MDN1: variants seen among roughly 807,000 people sequenced by gnomAD.
MDN1 encodes midasin AAA ATPase 1.
MDN1 carries 266 observed loss-of-function variants against 669.2 expected under a neutral mutation model. The observed-to-expected ratio is 0.40, with a 90% confidence interval of 0.36 to 0.44. The LOEUF is 0.44. Among genes scored for constraint, MDN1 ranks in the 20% least tolerant of loss-of-function variants. The probability of loss-of-function intolerance (pLI) is 1.00; values close to 1 mark genes in which losing one functional copy is unlikely to be tolerated. For synonymous variants in MDN1, 2,385 were observed against 2,457.1 expected (o/e 0.97, Z 0.87); for missense variants, 5,940 against 6,754.0 (o/e 0.88, Z 4.22).
In MDN1 at chr6:89,712,181, T is replaced by C. The variant is rs770401956; in HGVS notation, c.7506A>G (p.Ala2502=). 6.2e-7 allele frequency: 1 copy of C among 1,614,176 alleles called. No individual in the cohort carries two copies. The highest frequency in any genetic ancestry group is 1.7e-5 in the Admixed American group (1 of 60,030). Residue 2502 remains alanine (A), a synonymous_variant, in exon 49 of 102, where the codon GCA becomes GCG. Coordinates refer to ENST00000369393, the MANE Select transcript of MDN1 (RefSeq NM_014611.3). ...CGATCCAGTAAGTATTCACTTCGAC[T>C]GCATTGAATTTCAGGTTCTCAGGGC... ...SPSPENLKFN[A]VEVNTYWIDE...
rs3736984 is a variant in MDN1 at position 89,698,870 on chromosome 6, A to G, written c.9163T>C (p.Leu3055=). ...ATAATTTTAGACCAACAAACCTTCAATGTGGAGTCCAAAACAGACTTGGGT... is the reference window on the plus strand; with the variant it reads ...ATAATTTTAGACCAACAAACCTTCAGTGTGGAGTCCAAAACAGACTTGGGT... ...EAPKSVLDST[L]KGPGNLNRPI... is the part of the protein sequence containing the mutation. Residue 3055 remains leucine (L), a synonymous_variant, in exon 59 of 102, where the codon TTG becomes CTG. Transcript: ENST00000369393. 275,713 of 1,613,082 alleles carry G rather than the reference A, an allele frequency of 0.17. 25,340 individuals are homozygous for G. The highest frequency in any genetic ancestry group is 0.29 in the South Asian group (26,657 of 90,942).
Position 89,747,332 on chromosome 6 carries a change from C to G in MDN1, c.3901G>C (p.Asp1301His). ...GAGCATTTGATTGAAAACACACCATCATTGGCTAAATGCTGTAGCCAGTCA... is the reference window on the plus strand; with the variant it reads ...GAGCATTTGATTGAAAACACACCATGATTGGCTAAATGCTGTAGCCAGTCA... ...EYDWLQHLANDGYMLLAGRVR... is the reference protein window; with the variant it reads ...EYDWLQHLANHGYMLLAGRVR... Residue 1301 changes from aspartate (D) to histidine (H), a missense_variant, in exon 27 of 102, where the codon GAT becomes CAT. Physicochemically the swap from Asp to His is moderately conservative, Grantham distance 81 (BLOSUM62 -1). Around this residue, in one of 5 missense-constraint regions of MDN1, gnomAD observed 2,292 missense variants for 2,638.3 expected, o/e 0.87. Coordinates refer to ENST00000369393, the MANE Select transcript of MDN1 (RefSeq NM_014611.3). 1 of 1,611,148 alleles carries G rather than the reference C, an allele frequency of 6.2e-7. No individual in the cohort carries two copies. Among genetic ancestry groups the G allele is most frequent in the Non-Finnish European group, 8.5e-7 (1 of 1,179,332 alleles).
chr6:89,793,355 A>T (rs1375471643), intron 5 of MDN1, among the ~76,000 whole-genome samples: 1 of 152,200 alleles, frequency 6.6e-6, no homozygotes, highest in Non-Finnish European at 1.5e-5. Flanking sequence ...ACAAGAAGAT[A>T]TACGGAACAG....
At chr6:89,661,392 G>A (rs1363514531) in intron 88 of MDN1, 39 bp downstream of exon 88, 1 of 1,592,778 alleles carries the variant, frequency 6.3e-7, no homozygotes, top group Non-Finnish European at 8.5e-7. Flanking sequence ...GTTCACTAAT[G>A]TGAGTTCTAA....
At chr6:89,764,965 T>C (rs1817737002) in intron 15 of MDN1, among the ~76,000 whole-genome samples, 1 of 152,016 alleles carries the variant, frequency 6.6e-6, no homozygotes, top group Non-Finnish European at 1.5e-5. Context: ...CATAAAAAAT[T>C]ATACTTTACT....
At chr6:89,674,689 C>T (rs1397862828) in intron 78 of MDN1, 100 bp from the exon 79 acceptor site, 14 of 1,438,008 alleles carry the variant, frequency 9.7e-6, no homozygotes, top group Non-Finnish European at 1.2e-5. Context: ...CAAGCATGGG[C>T]TTTTTCATAC....
chr6:89,644,253 G>T, intron 101 of MDN1, 60 bp from the exon 102 acceptor site: 1 of 1,390,084 alleles, frequency 7.2e-7, no homozygotes, highest in Non-Finnish European at 9.9e-7. Context: ...TCCTTAGCTA[G>T]CTCTTCTGTG....
intron 68 of MDN1, 44 bp from the exon 69 acceptor site, chr6:89,687,067 T>C (rs1812065062): frequency 6.2e-7 from 1 of 1,600,950 alleles, no homozygotes; most frequent in Non-Finnish European, 8.5e-7. Context: ...AAAACCTATT[T>C]GAAATATCTG....
chr6:89,655,779 C>T lies in MDN1; in HGVS notation c.15475G>A (p.Asp5159Asn). ...EHIKQGSDAY[D>N]AQTYDVASKE... The stretch of plus-strand genomic sequence containing the variant: ...AGGACCGTACCATAGGTCTGTGCAT[C>T]GTATGCGTCACTGCCTTGTTTAATG... The change falls in exon 92 of 102, where the codon GAT becomes AAT. Residue 5159 changes from aspartate to asparagine, a missense_variant. This residue lies in a region of MDN1 where 2,280 missense variants were observed against 2,576.3 expected (regional missense o/e 0.88). Coordinates refer to ENST00000369393, the MANE Select transcript of MDN1 (RefSeq NM_014611.3). 6.2e-7 allele frequency: 1 copy of T among 1,608,502 alleles called. No individual in the cohort carries two copies. The highest frequency in any genetic ancestry group is 8.5e-7 in the Non-Finnish European group (1 of 1,177,504).
intron 31 of MDN1, 67 bp from the exon 32 acceptor site, chr6:89,740,445 C>A (rs1361431540): frequency 4.2e-6 from 6 of 1,417,108 alleles, no homozygotes; most frequent in African/African-American, 1.5e-5. Context: ...ATCTTCAATG[C>A]TCTTTAAAAG....
At position 89,718,749 on chromosome 6, in the gene MDN1, T is replaced by G; in HGVS notation, c.6321+18A>C. The stretch of plus-strand genomic sequence containing the variant: ...GTTTATTATGCTTTGCCAGAAAATA[T>G]GAAGGCAGACTGGTTACCTGCTCAA... On this transcript the variant is annotated intron_variant, in intron 42 of 101. Coordinates refer to ENST00000369393, the MANE Select transcript of MDN1 (RefSeq NM_014611.3). 1 of 1,612,016 alleles carries G rather than the reference T, an allele frequency of 6.2e-7. No individual in the cohort carries two copies. The highest frequency in any genetic ancestry group is 8.5e-7 in the Non-Finnish European group (1 of 1,178,252).
Position 89,712,033 on chromosome 6 carries a change from C to T in MDN1, c.7651+3G>A. ...AGTGGACAAATTAAGCTGTTCTACT[C>T]ACCAAGCCCCTGCGGTATATTCTTG... On this transcript the variant is annotated splice_donor_region_variant and intron_variant, in intron 49 of 101. Transcript: ENST00000369393. The T allele has an allele frequency of 6.2e-7, 1 of 1,611,658 alleles. No homozygotes were observed. The highest frequency in any genetic ancestry group is 8.5e-7 in the Non-Finnish European group (1 of 1,178,324).
intron 90 of MDN1, 30 bp from the exon 91 acceptor site, chr6:89,656,831 G>C: frequency 5.1e-6 from 8 of 1,580,876 alleles, no homozygotes; most frequent in Non-Finnish European, 6.1e-6. Flanking sequence ...AAAGAATGAG[G>C]TGAAAGAAGC....
intron 68 of MDN1, 21 bp from the exon 69 acceptor site, chr6:89,687,044 G>C (rs748063668): frequency 1.2e-6 from 2 of 1,608,514 alleles, no homozygotes; most frequent in South Asian, 2.2e-5. Context: ...AAGAAGCCAA[G>C]GAGGCATTTA....
At position 89,758,204 on chromosome 6, in the gene MDN1, G is replaced by C. The variant is rs747908260; in HGVS notation, c.2702+51C>G. On this transcript the variant is annotated intron_variant, in intron 19 of 101. Transcript: ENST00000369393. ...CCACTGCACTCCAACCTGGGCAACA[G>C]AGCAAGAACCTGTTGCAAAAAAGGA... The C allele has an allele frequency of 2.7e-6, 4 of 1,462,576 alleles. No homozygotes were observed. The South Asian group carries it at 4.8e-5, about 18-fold the overall frequency. The allele number at this position is 1,462,576 out of a possible 1,614,324, so 90.6% of individuals were successfully genotyped here. A position where few individuals can be genotyped will look rare whatever the true frequency, so the allele number is the denominator to read the frequency against.
chr6:89,795,643 A>G (rs1819546864), intron 2 of MDN1, among the ~76,000 whole-genome samples: 2 of 152,120 alleles, frequency 1.3e-5, no homozygotes, highest in Non-Finnish European at 2.9e-5. Flanking sequence ...AAAAGATTCA[A>G]ATAAACTAAA....
At chr6:89,792,510 G>A (rs1287316241) in intron 5 of MDN1, among the ~76,000 whole-genome samples, 1 of 151,982 alleles carries the variant, frequency 6.6e-6, no homozygotes, top group Admixed American at 6.6e-5. Flanking sequence ...GGATACGTGG[G>A]GGGTAAAGAG....
At chr6:89,743,482 A>G in intron 30 of MDN1, 94 bp downstream of exon 30, 3 of 1,474,684 alleles carry the variant, frequency 2.0e-6, no homozygotes, top group Non-Finnish European at 2.8e-6. Flanking sequence ...ACATTTAACC[A>G]AACCAGAACC....
intron 40 of MDN1, among the ~76,000 whole-genome samples, chr6:89,721,808 GA>G (rs1273204781): frequency 2.0e-5 from 3 of 151,822 alleles, no homozygotes; most frequent in Non-Finnish European, 1.5e-5. Context: ...TCCAAAAAAA[GA>G]AAAAAAATAA....
Sources: gnomAD v4.1 joint callset for allele counts (sites outside exome capture counted in the v4.1 genomes callset) on GRCh38, gnomAD v4.1.1 for gene constraint, gnomAD v4.1.1 regional missense constraint, MANE v1.5 for transcripts, NCBI Gene and HGNC (gene_info 2026-07-23, HGNC 2026-07-21) for gene names.